Variants in PTPRG observed in about 807,000 individuals in gnomAD.
PTPRG encodes the protein protein tyrosine phosphatase receptor type G, also known as receptor-type tyrosine-protein phosphatase gamma.
In PTPRG, 102 loss-of-function variants were observed where a neutral mutation model predicts 165.3. That is an observed-to-expected ratio of 0.62 (90% CI 0.53 to 0.73). The LOEUF (loss-of-function observed/expected upper bound fraction) is 0.73, where lower values mean the gene tolerates loss of function less well. Ranked by LOEUF, PTPRG falls within the 30% of genes least tolerant of loss-of-function variation. The pLI is 0.00. For synonymous variants in PTPRG, 675 were observed against 669.5 expected (o/e 1.01, Z -0.13); for missense variants, 1,866 against 1,861.4 (o/e 1.00, Z -0.05).
rs546531550 is a variant in PTPRG, at chr3:62,193,009, A to C, written c.1218+1356A>C. 2.2e-4 allele frequency among the ~76,000 whole-genome samples: 33 copies of C among 152,308 alleles called. No individual in the cohort carries two copies. The South Asian group carries it at 6.6e-3, about 31-fold the overall frequency. ...TATATTTTCAATTTCCCCACTAGAC[A>C]TTGTTATCTGGGTCACGTTAGGGAA... On this transcript the variant is annotated intron_variant, in intron 9 of 29. Transcript: ENST00000474889.
At chr3:62,192,448 G>A (rs569971442) in intron 9 of PTPRG, among the ~76,000 whole-genome samples, 21 of 111,988 alleles carry the variant, frequency 1.9e-4, no homozygotes, top group East Asian at 8.8e-4. Context: ...TTGCTCTGTC[G>A]CCCAGGCTGG....
rs191448625 is a variant in PTPRG, at chr3:61,835,306, G to T, written c.190+86324G>T. Among the ~76,000 whole-genome samples the T allele has an allele frequency of 1.3e-5, 2 of 152,058 alleles. 1 individual carries two copies. The highest frequency in any genetic ancestry group is 1.3e-4 in the Admixed American group (2 of 15,278). On this transcript the variant is annotated intron_variant, in intron 2 of 29. Transcript: ENST00000474889. ...TCTACTGTTACTTTCTCCTGCTCCA[G>T]CCTCCTTTGTAAATGTGGAAGTCAA...
At chr3:61,621,193 C>G (rs937883757) in intron 1 of PTPRG, among the ~76,000 whole-genome samples, 2 of 151,852 alleles carry the variant, frequency 1.3e-5, no homozygotes, top group East Asian at 1.9e-4. Flanking sequence ...AATATTGTTT[C>G]CCACATCCCC....
intron 2 of PTPRG, among the ~76,000 whole-genome samples, chr3:61,948,284 C>A (rs1457885048): frequency 1.3e-5 from 2 of 152,048 alleles, no homozygotes; most frequent in Non-Finnish European, 2.9e-5. Flanking sequence ...GAGATCGCTC[C>A]ATTGCATTCC....
chr3:62,105,078 C>T (rs1702425382), intron 5 of PTPRG, among the ~76,000 whole-genome samples: 1 of 151,946 alleles, frequency 6.6e-6, no homozygotes, highest in African/African-American at 2.4e-5. Context: ...GTTAAAAGAA[C>T]TGTGGTCATT....
chr3:62,077,997 C>CAA (rs56828286), intron 4 of PTPRG, among the ~76,000 whole-genome samples, 166 bp from the exon 5 acceptor site: 8,825 of 94,188 alleles, frequency 0.094, 334 homozygotes, highest in Middle Eastern at 0.13. Flanking sequence ...GACCTTATCT[C>CAA]AAAAAAAAAA....
chr3:61,752,416 T>C (rs2033468038), intron 2 of PTPRG, among the ~76,000 whole-genome samples: 1 of 152,138 alleles, frequency 6.6e-6, no homozygotes, highest in Non-Finnish European at 1.5e-5. Context: ...ATTCCAGTAA[T>C]GTTGAATATC....
chr3:61,841,474 G>T (rs1195144915), intron 2 of PTPRG, among the ~76,000 whole-genome samples: 2 of 152,132 alleles, frequency 1.3e-5, no homozygotes, highest in African/African-American at 4.8e-5. Flanking sequence ...GACTAATGGG[G>T]CATTGAACTA....
chr3:61,722,748 T>C (rs1479490003), intron 1 of PTPRG, among the ~76,000 whole-genome samples: 1 of 152,232 alleles, frequency 6.6e-6, no homozygotes, highest in African/African-American at 2.4e-5. Context: ...TCTGTTTATT[T>C]TGGTTAAATT....
At chr3:61,727,330 A>G (rs1182376408) in intron 1 of PTPRG, among the ~76,000 whole-genome samples, 1 of 150,806 alleles carries the variant, frequency 6.6e-6, no homozygotes, top group Non-Finnish European at 1.5e-5. Context: ...ATTTTTTTGT[A>G]TTTTTGGTAG....
intron 2 of PTPRG, among the ~76,000 whole-genome samples, chr3:61,905,421 C>T (rs2038617996): frequency 1.3e-5 from 2 of 152,166 alleles, no homozygotes; most frequent in South Asian, 4.1e-4. Flanking sequence ...ACTTCCCCTT[C>T]CATCTTTTGA....
At chr3:62,106,898 T>A (rs1702492678) in intron 5 of PTPRG, among the ~76,000 whole-genome samples, 1 of 152,206 alleles carries the variant, frequency 6.6e-6, no homozygotes, top group African/African-American at 2.4e-5. Flanking sequence ...AATCATATGG[T>A]TTCCATAGGA....
chr3:61,572,929 T>G (rs1180217547), intron 1 of PTPRG, among the ~76,000 whole-genome samples: 1 of 152,228 alleles, frequency 6.6e-6, no homozygotes, highest in African/African-American at 2.4e-5. Context: ...GGTTTTGTAT[T>G]GCCTGGATTG....
At chr3:62,001,504 A>G (rs2041171671) in intron 3 of PTPRG, among the ~76,000 whole-genome samples, 1 of 152,168 alleles carries the variant, frequency 6.6e-6, no homozygotes. Flanking sequence ...ACAGTGTTTG[A>G]AACACTACTG....
At chr3:61,932,645 G>A (rs1352645843) in intron 2 of PTPRG, among the ~76,000 whole-genome samples, 1 of 152,160 alleles carries the variant, frequency 6.6e-6, no homozygotes, top group Non-Finnish European at 1.5e-5. Flanking sequence ...ACAGCTGAGG[G>A]CATGGAAGCC....
At chr3:61,647,328 G>A (rs1168223995) in intron 1 of PTPRG, among the ~76,000 whole-genome samples, 5 of 152,144 alleles carry the variant, frequency 3.3e-5, no homozygotes, top group Non-Finnish European at 5.9e-5. Context: ...TTACATGCCA[G>A]ATATTATACT....
chr3:61,660,980 G>A (rs182913281), intron 1 of PTPRG, among the ~76,000 whole-genome samples: 17 of 152,270 alleles, frequency 1.1e-4, no homozygotes, highest in African/African-American at 2.4e-4. Context: ...TCCAGCCTGG[G>A]CCATAGAGTG....
intron 5 of PTPRG, among the ~76,000 whole-genome samples, chr3:62,120,272 G>A (rs2106887042): frequency 6.6e-6 from 1 of 151,830 alleles, no homozygotes; most frequent in Admixed American, 6.5e-5. Context: ...CCAGGATACG[G>A]TTAGACCAGA....
Position 61,652,352 on chromosome 3 carries a change from C to G in PTPRG, c.85+89980C>G, listed in dbSNP as rs922407285. Among the ~76,000 whole-genome samples, 8 of 152,152 alleles carry G rather than the reference C, an allele frequency of 5.3e-5. 1 individual carries two copies. In the South Asian group the frequency reaches 6.2e-4, roughly 12 times the overall value. On this transcript the variant is annotated intron_variant, in intron 1 of 29. Coordinates refer to ENST00000474889, the MANE Select transcript of PTPRG (RefSeq NM_002841.4). ...AATGAAGAATCAAATAAATAGTGCT[C>G]TATTCCTCATTCTGCAGATGCGGAG...
Sources: allele counts gnomAD v4.1 joint callset (sites outside exome capture counted in the v4.1 genomes callset), GRCh38; gene constraint gnomAD v4.1.1; transcripts MANE v1.5; gene names NCBI Gene and HGNC (gene_info 2026-07-23, HGNC 2026-07-21).